The following DAB1 variants were observed in gnomAD, a reference collection of about 807,000 sequenced individuals.
DAB1 encodes the protein DAB adaptor protein 1, also known as disabled homolog 1.
Under a neutral mutation model 64.6 loss-of-function variants are expected in DAB1, and 15 were observed. The observed-to-expected ratio is 0.23, with a 90% CI of 0.16 to 0.36. The LOEUF is 0.36. DAB1 is among the 10% of genes least tolerant of loss of function. The pLI is 1.00. For synonymous variants in DAB1, 235 were observed against 251.9 expected (o/e 0.93, Z 0.64); for missense variants, 596 against 706.7 (o/e 0.84, Z 1.78).
intron 5 of DAB1, among the ~76,000 whole-genome samples, chr1:58,148,218 G>A (rs570986863): frequency 6.6e-6 from 1 of 152,166 alleles, no homozygotes; most frequent in African/African-American, 2.4e-5. Flanking sequence ...AGTCCAACTG[G>A]CAATTACCTA....
At chr1:57,071,722 C>T in intron 5 of DAB1, 81 bp from the exon 6 acceptor site, 1 of 1,323,680 alleles carries the variant, frequency 7.6e-7, no homozygotes, top group Non-Finnish European at 1.0e-6. Context: ...GCGGCGACAA[C>T]CCGCAGCCCT....
intron 5 of DAB1, among the ~76,000 whole-genome samples, chr1:57,958,827 CTG>C (rs746206749): frequency 7.2e-5 from 11 of 152,188 alleles, no homozygotes; most frequent in Non-Finnish European, 1.5e-4. Context: ...GCTTTTCTCT[CTG>C]TGTCCACATC....
chr1:58,217,448 G>A (rs765430318), intron 4 of DAB1, among the ~76,000 whole-genome samples: 2 of 152,196 alleles, frequency 1.3e-5, no homozygotes, highest in South Asian at 2.1e-4. Context: ...GGAAAGATAC[G>A]CAAGTAGGGA....
chr1:58,401,011 C>T (rs1353859818), intron 3 of DAB1, among the ~76,000 whole-genome samples: 32 of 152,100 alleles, frequency 2.1e-4, no homozygotes. Context: ...ATTTGAAACC[C>T]AGCTCTAAAA....
chr1:57,039,347 GGGAA>G (rs747167709), intron 9 of DAB1, among the ~76,000 whole-genome samples: 2 of 152,106 alleles, frequency 1.3e-5, no homozygotes, highest in Non-Finnish European at 2.9e-5. Flanking sequence ...TTTACAGAAA[GGGAA>G]GGAAGGAAGG....
chr1:57,538,847 A>G (rs760987251), intron 7 of DAB1, among the ~76,000 whole-genome samples: 1 of 151,884 alleles, frequency 6.6e-6, no homozygotes, highest in Non-Finnish European at 1.5e-5. Context: ...TTTTGAGCCC[A>G]CTCACCCCCC....
At chr1:57,570,480 G>C (rs1279299920) in intron 7 of DAB1, among the ~76,000 whole-genome samples, 1 of 152,032 alleles carries the variant, frequency 6.6e-6, no homozygotes, top group African/African-American at 2.4e-5. Flanking sequence ...AAGATTAGTT[G>C]ACTGTAAGTA....
intron 6 of DAB1, among the ~76,000 whole-genome samples, chr1:57,737,446 C>T (rs919065675): frequency 4.6e-5 from 7 of 152,194 alleles, no homozygotes; most frequent in Admixed American, 1.3e-4. Context: ...ACCCTTTGCA[C>T]GTCTCAGTTT....
chr1:58,469,942 A>ATTATGTGGAATTATGCCCTAC (rs1645337819), intron 3 of DAB1, among the ~76,000 whole-genome samples: 1 of 151,914 alleles, frequency 6.6e-6, no homozygotes, highest in South Asian at 2.1e-4. Flanking sequence ...AGACATCAGG[A>ATTATGTGGAATTATGCCCTAC]CTTGAGAGAA....
At chr1:58,282,000 C>T (rs1019274705) in intron 4 of DAB1, among the ~76,000 whole-genome samples, 1 of 152,106 alleles carries the variant, frequency 6.6e-6, no homozygotes, top group Non-Finnish European at 1.5e-5. Flanking sequence ...TCCTCATCAT[C>T]CTCATCTTTG....
chr1:57,450,782 A>C (rs1262901370), intron 7 of DAB1, among the ~76,000 whole-genome samples: 1 of 152,220 alleles, frequency 6.6e-6, no homozygotes, highest in Non-Finnish European at 1.5e-5. Context: ...AATGAACTTC[A>C]ACTTACTTAA....
chr1:58,142,397 C>A (rs1654339328), intron 5 of DAB1, among the ~76,000 whole-genome samples: 1 of 152,138 alleles, frequency 6.6e-6, no homozygotes, highest in Non-Finnish European at 1.5e-5. Flanking sequence ...TTTTTAATTT[C>A]TTTTAGGTTC....
At chr1:58,506,319 G>A (rs1490313592) in intron 2 of DAB1, 2 of 623,498 alleles carry the variant, frequency 3.2e-6, no homozygotes. Context: ...TAAGTTTTAG[G>A]GTACATGTGC....
intron 5 of DAB1, among the ~76,000 whole-genome samples, chr1:58,032,743 A>C (rs568464219): frequency 6.6e-6 from 1 of 152,328 alleles, no homozygotes; most frequent in African/African-American, 2.4e-5. Flanking sequence ...GCACATGCCT[A>C]GCTAAAAAGT....
chr1:57,629,529 T>C (rs1360091308), intron 7 of DAB1, among the ~76,000 whole-genome samples: 1 of 152,174 alleles, frequency 6.6e-6, no homozygotes, highest in East Asian at 1.9e-4. Context: ...TGAAACATGT[T>C]AGTTTTCTAG....
intron 6 of DAB1, among the ~76,000 whole-genome samples, chr1:57,744,734 C>T (rs1166689373): frequency 6.6e-6 from 1 of 152,140 alleles, no homozygotes; most frequent in African/African-American, 2.4e-5. Flanking sequence ...GCCAAGTAGC[C>T]ATTCTCCACT....
chr1:58,119,219 T>TGTGC (rs1187872539), intron 5 of DAB1, among the ~76,000 whole-genome samples: 15 of 78,376 alleles, frequency 1.9e-4, no homozygotes, highest in African/African-American at 6.8e-4. Flanking sequence ...ATATTGTGTG[T>TGTGC]GTGTGCGTGT....
At chr1:57,811,207 T>A (rs1011964211) in intron 6 of DAB1, among the ~76,000 whole-genome samples, 6 of 152,236 alleles carry the variant, frequency 3.9e-5, no homozygotes, top group African/African-American at 1.2e-4. Flanking sequence ...TGATATGGTT[T>A]GAATCTGTGT....
chr1:57,411,760 T>C (rs1684132886), intron 1 of DAB1, among the ~76,000 whole-genome samples: 1 of 152,194 alleles, frequency 6.6e-6, no homozygotes, highest in Admixed American at 6.5e-5. Flanking sequence ...CTCTGCACTA[T>C]CAGGCTGCAA....
Sources: allele counts gnomAD v4.1 joint callset (sites outside exome capture counted in the v4.1 genomes callset), GRCh38; gene constraint gnomAD v4.1.1; transcripts MANE v1.5; gene names NCBI Gene and HGNC (gene_info 2026-07-23, HGNC 2026-07-21).